Variants in ADCY8 observed in about 807,000 individuals in gnomAD.
ADCY8 encodes the protein adenylate cyclase type 8.
A neutral mutation model predicts 119.7 loss-of-function variants in ADCY8; 51 were observed. That is an observed-to-expected ratio of 0.43 (90% confidence interval 0.34 to 0.54). ADCY8 has a LOEUF of 0.54. ADCY8 is among the 20% of genes least tolerant of loss of function. The probability of loss-of-function intolerance (pLI) is 0.03; values close to 1 mark genes in which losing one functional copy is unlikely to be tolerated. For missense variants in ADCY8, 1,383 were observed against 1,598.8 expected (o/e 0.87, Z 2.30); for synonymous variants, 665 against 651.0 (o/e 1.02, Z -0.33).
intron 1 of ADCY8, among the ~76,000 whole-genome samples, chr8:131,029,620 C>T (rs151030662): frequency 6.6e-6 from 1 of 152,214 alleles, no homozygotes; most frequent in Non-Finnish European, 1.5e-5. Flanking sequence ...AATTCAGGCC[C>T]ATAACTTTTG....
At chr8:130,968,147 T>TA (rs369506697) in intron 2 of ADCY8, among the ~76,000 whole-genome samples, 6 of 149,790 alleles carry the variant, frequency 4.0e-5, no homozygotes, top group Admixed American at 1.3e-4. Context: ...TTTAAAATCA[T>TA]AAAAAAAATG....
chr8:130,818,488 T>A (rs993176498), intron 13 of ADCY8, among the ~76,000 whole-genome samples: 7 of 152,230 alleles, frequency 4.6e-5, no homozygotes, highest in African/African-American at 1.7e-4. Flanking sequence ...GGAGGAAGTG[T>A]TTGGCATGTC....
chr8:130,814,174 C>G lies in ADCY8; in HGVS notation c.2808G>C (p.Glu936Asp), dbSNP rs771041391. The G allele has an allele frequency of 6.2e-7, 1 of 1,614,152 alleles. No individual in the cohort carries two copies. Among genetic ancestry groups the G allele is most frequent in the Admixed American group, 1.7e-5 (1 of 60,018 alleles). ...CCCTCAGCTCCTTCATCTCATTGAT[C>G]TCCTCTTTGGCCTGTACTCGCCAAA... ...DFLWRVQAKE[E>D]INEMKELREH... is the part of the protein sequence containing the mutation. Residue 936 changes from glutamate to aspartate, a missense_variant, in exon 14 of 18, where the codon GAG (glutamate) becomes GAC (aspartate). Physicochemically the swap from Glu to Asp is conservative, Grantham distance 45. Around this residue, in one of 2 missense-constraint regions of ADCY8, gnomAD observed 928 missense variants for 1,163.5 expected, o/e 0.80. Transcript: ENST00000286355.
rs550694420 is a variant in ADCY8 at position 130,816,464 on chromosome 8, C to T, written c.2755-2237G>A. Among the ~76,000 whole-genome samples the T allele has an allele frequency of 1.5e-3, 188 of 123,238 alleles. 2 individuals carry two copies. The highest frequency in any genetic ancestry group is 5.2e-3 in the African/African-American group (164 of 31,812). The allele number at this position is 123,238 out of a possible 152,430, so 80.8% of individuals were successfully genotyped here. On this transcript the variant is annotated intron_variant, in intron 13 of 17. Coordinates refer to ENST00000286355, the MANE Select transcript of ADCY8 (RefSeq NM_001115.3). ...TTTTTGAGACAGAGTCTCGCTCTGTCGCCCAGGCTGGAGTGCAGTGGCACT... is the reference window on the plus strand; with the variant it reads ...TTTTTGAGACAGAGTCTCGCTCTGTTGCCCAGGCTGGAGTGCAGTGGCACT...
At chr8:130,887,094 A>G (rs552747192) in intron 7 of ADCY8, among the ~76,000 whole-genome samples, 5 of 152,144 alleles carry the variant, frequency 3.3e-5, no homozygotes, top group African/African-American at 1.2e-4. Flanking sequence ...TTTTTCTCAT[A>G]TTAATGTGAA....
At chr8:130,918,737 A>G (rs1171631129) in intron 5 of ADCY8, among the ~76,000 whole-genome samples, 2 of 152,166 alleles carry the variant, frequency 1.3e-5, no homozygotes, top group African/African-American at 4.8e-5. Context: ...AAACCCTTCC[A>G]TTGGACAACC....
chr8:130,976,253 C>G (rs1398826246), intron 2 of ADCY8, among the ~76,000 whole-genome samples: 1 of 152,128 alleles, frequency 6.6e-6, no homozygotes, highest in African/African-American at 2.4e-5. Flanking sequence ...TGCTAGGGCC[C>G]CTCTGAAGGC....
chr8:130,920,053 A>C (rs1820253014), intron 5 of ADCY8, among the ~76,000 whole-genome samples: 1 of 151,176 alleles, frequency 6.6e-6, no homozygotes, highest in Admixed American at 6.6e-5. Flanking sequence ...TGAGGTGGGA[A>C]GATCCCCTGA....
chr8:130,838,137 C>A (rs973464542), intron 11 of ADCY8, among the ~76,000 whole-genome samples: 1 of 152,154 alleles, frequency 6.6e-6, no homozygotes, highest in Non-Finnish European at 1.5e-5. Context: ...GCCTAGCTGG[C>A]TAATTTATGC....
rs544303961 is a variant in ADCY8 at position 130,940,559 on chromosome 8, G to C, written c.1353+2792C>G. 2.0e-5 allele frequency among the ~76,000 whole-genome samples: 3 copies of C among 151,958 alleles called. No homozygotes were observed. The South Asian group carries it at 6.2e-4, about 32-fold the overall frequency. ...ATATATATAATACATTAAAGGCCTGGATTCTTATCTGTCAAGGTCTGTCAA... is the reference window on the plus strand; with the variant it reads ...ATATATATAATACATTAAAGGCCTGCATTCTTATCTGTCAAGGTCTGTCAA... On this transcript the variant is annotated intron_variant, in intron 4 of 17. Coordinates refer to ENST00000286355, the MANE Select transcript of ADCY8 (RefSeq NM_001115.3).
At chr8:130,993,011 A>G (rs1339929362) in intron 1 of ADCY8, among the ~76,000 whole-genome samples, 1 of 152,196 alleles carries the variant, frequency 6.6e-6, no homozygotes, top group East Asian at 1.9e-4. Context: ...TAAAAATGTT[A>G]CATATAGGAG....
At chr8:130,876,638 G>A (rs1818575735) in intron 8 of ADCY8, among the ~76,000 whole-genome samples, 1 of 152,062 alleles carries the variant, frequency 6.6e-6, no homozygotes. Context: ...CCAGAAACAA[G>A]AGGTGGATTG....
chr8:131,000,335 A>G (rs1224358792), intron 1 of ADCY8, among the ~76,000 whole-genome samples: 1 of 152,150 alleles, frequency 6.6e-6, no homozygotes, highest in African/African-American at 2.4e-5. Context: ...ACACAGGTTT[A>G]ATATTTTGCC....
Position 130,937,107 on chromosome 8 carries a change from C to G in ADCY8, c.1447G>C (p.Val483Leu). Residue 483 changes from valine (V) to leucine (L), a missense_variant, in exon 5 of 18, where the codon GTT becomes CTT. Val to Leu is a conservative substitution (Grantham distance 32). Around this residue, in one of 2 missense-constraint regions of ADCY8, gnomAD observed 928 missense variants for 1,163.5 expected, o/e 0.80. Transcript: ENST00000286355. The stretch of plus-strand genomic sequence containing the variant: ...TTGATCATGCTGAGACCCATTTCAA[C>G]ACAGCAGTGGGCATGGTCCTGGCGG... ...EPRQDHAHCCVEMGLSMIKTI... is the reference protein window; with the variant it reads ...EPRQDHAHCCLEMGLSMIKTI... 1 of 1,613,730 alleles carries G rather than the reference C, an allele frequency of 6.2e-7. No individual in the cohort carries two copies. Among genetic ancestry groups the G allele is most frequent in the Non-Finnish European group, 8.5e-7 (1 of 1,179,818 alleles).
At chr8:131,027,115 G>A (rs566827649) in intron 1 of ADCY8, among the ~76,000 whole-genome samples, 2 of 152,234 alleles carry the variant, frequency 1.3e-5, no homozygotes, top group East Asian at 3.9e-4. Context: ...ATGCTTGAAG[G>A]ACTGCTCATT....
intron 2 of ADCY8, among the ~76,000 whole-genome samples, chr8:130,967,329 A>G (rs1554621032): frequency 2.6e-5 from 4 of 152,236 alleles, no homozygotes; most frequent in Non-Finnish European, 4.4e-5. Context: ...GGTTCTGCTC[A>G]GAAATATTAA....
chr8:130,994,462 A>T (rs942462882), intron 1 of ADCY8, among the ~76,000 whole-genome samples: 1 of 152,184 alleles, frequency 6.6e-6, no homozygotes, highest in Non-Finnish European at 1.5e-5. Flanking sequence ...TTTGTAACTG[A>T]TATCTTATCC....
In ADCY8 at chr8:130,855,061, G is replaced by C. The variant is rs140270466; in HGVS notation, c.2211-5258C>G. Among the ~76,000 whole-genome samples, 925 of 150,904 alleles carry C rather than the reference G, an allele frequency of 6.1e-3. 7 individuals are homozygous for C. Among genetic ancestry groups the C allele is most frequent in the Middle Eastern group, 0.024 (7 of 288 alleles). On this transcript the variant is annotated intron_variant, in intron 9 of 17. Transcript: ENST00000286355. ...CCCTTCTTGGAGAGGAACATCTGTG[G>C]GCATGTGGAAATTAAAGGAAAGAGC...
At chr8:130,825,801 G>A (rs1317924668) in intron 12 of ADCY8, among the ~76,000 whole-genome samples, 1 of 152,158 alleles carries the variant, frequency 6.6e-6, no homozygotes, top group Non-Finnish European at 1.5e-5. Context: ...TAATTGAGCA[G>A]ACCTTGATTG....
Sources: allele counts gnomAD v4.1 joint callset (sites outside exome capture counted in the v4.1 genomes callset), GRCh38; gene constraint gnomAD v4.1.1; regional missense constraint gnomAD v4.1.1; transcripts MANE v1.5; gene names NCBI Gene and HGNC (gene_info 2026-07-23, HGNC 2026-07-21).